The following INO80 variants were observed in gnomAD, a reference collection of about 807,000 sequenced individuals.
INO80 encodes the protein INO80 complex ATPase subunit, also known as chromatin-remodeling ATPase INO80.
Under a neutral mutation model 203.4 loss-of-function variants are expected in INO80, and 20 were observed. The observed-to-expected ratio is 0.10, with a 90% CI of 0.07 to 0.14. The LOEUF is 0.14. INO80 is among the 10% of genes least tolerant of loss of function. The pLI, the probability that INO80 is intolerant of heterozygous loss-of-function variation, is 1.00. For missense variants in INO80, 1,419 were observed against 1,914.4 expected (o/e 0.74, Z 4.83); for synonymous variants, 726 against 685.2 (o/e 1.06, Z -0.93).
At chr15:41,107,458 G>A (rs2045897031) in intron 1 of INO80, among the ~76,000 whole-genome samples, 1 of 152,122 alleles carries the variant, frequency 6.6e-6, no homozygotes, top group Admixed American at 6.6e-5. Flanking sequence ...CCATGATGGT[G>A]CCACTGCACT....
chr15:41,069,757 G>A (rs1156503569), intron 13 of INO80, 92 bp from the exon 14 acceptor site: 3 of 700,050 alleles, frequency 4.3e-6, no homozygotes, highest in Non-Finnish European at 7.2e-6. Flanking sequence ...TCTAAGAATA[G>A]GAAACAAATA....
Position 41,106,335 on chromosome 15 carries a change from G to T in INO80, c.-44+9638C>A, listed in dbSNP as rs140157492. On this transcript the variant is annotated intron_variant, in intron 1 of 35. Coordinates refer to ENST00000648947, the MANE Select transcript of INO80 (RefSeq NM_017553.3). ...AGAGACAGAGGTTGCTGCGGGCTGA[G>T]ATCATGCCACCACACTCCAGCCTGG... Among the ~76,000 whole-genome samples the T allele has an allele frequency of 1.8e-4, 26 of 140,678 alleles. No individual in the cohort carries two copies. The East Asian group carries it at 5.2e-3, about 28-fold the overall frequency. The allele number at this position is 140,678 out of a possible 152,430, so 92.3% of individuals were successfully genotyped here.
chr15:41,099,634 T>C (rs1205972545), intron 1 of INO80, among the ~76,000 whole-genome samples: 5 of 151,766 alleles, frequency 3.3e-5, no homozygotes, highest in African/African-American at 1.2e-4. Flanking sequence ...ATTTAAAAAT[T>C]AGCTGAGTGT....
At position 41,016,208 on chromosome 15, in the gene INO80, C is replaced by G; in HGVS notation, c.3282G>C (p.Glu1094Asp). Residue 1094 changes from glutamate to aspartate, a missense_variant, in exon 27 of 36, where the codon GAG becomes GAC. Transcript: ENST00000648947. Reference protein sequence around the residue: ...GWSFIRIPGKESLITDSGKLY... With the variant: ...GWSFIRIPGKDSLITDSGKLY... ...GCTTTCCACTGTCAGTGATGAGGCT[C>G]TCCTTGCCTGGGGAGAAGAAAAGGG... is the stretch of plus-strand genomic sequence containing the variant. 6.2e-7 allele frequency: 1 copy of G among 1,613,410 alleles called. No individual in the cohort carries two copies. Among genetic ancestry groups the G allele is most frequent in the Non-Finnish European group, 8.5e-7 (1 of 1,179,718 alleles).
intron 7 of INO80, among the ~76,000 whole-genome samples, chr15:41,082,562 G>A (rs980625402): frequency 5.3e-5 from 8 of 152,046 alleles, no homozygotes; most frequent in Non-Finnish European, 1.0e-4. Flanking sequence ...TTAGCTGAGT[G>A]TGGTGGCAGG....
Position 41,051,103 on chromosome 15 carries a change from TG to T in INO80, c.2275-1002del, listed in dbSNP as rs1382163545. On this transcript the variant is annotated intron_variant, in intron 19 of 35. Transcript: ENST00000648947. ...GAGATTGCACCATTGCACTCCAGCC[TG>T]GGTGACAGAATGAGACTCCATCTCA... 9.8e-5 allele frequency among the ~76,000 whole-genome samples: 12 copies of T among 122,126 alleles called. No individual in the cohort carries two copies. In the Admixed American group the frequency reaches 1.2e-3, roughly 12 times the overall value. The allele number at this position is 122,126 out of a possible 152,430, so 80.1% of individuals were successfully genotyped here.
rs140452976 is a variant in INO80 at position 41,058,387 on chromosome 15, C to T, written c.1985+252G>A. Among the ~76,000 whole-genome samples the T allele has an allele frequency of 7.2e-4, 110 of 152,132 alleles. 2 individuals carry two copies. Among genetic ancestry groups the T allele is most frequent in the African/African-American group, 2.6e-3 (107 of 41,500 alleles). ...TATTTAAAACCTCTCATATATTGGA[C>T]GGGTGGCTCATCCCTCTAATCCCAA... On this transcript the variant is annotated intron_variant, in intron 16 of 35. Coordinates refer to ENST00000648947, the MANE Select transcript of INO80 (RefSeq NM_017553.3).
intron 9 of INO80, among the ~76,000 whole-genome samples, chr15:41,075,278 T>C (rs1475809841): frequency 6.6e-6 from 1 of 150,974 alleles, no homozygotes; most frequent in Non-Finnish European, 1.5e-5. Flanking sequence ...AACTTTTCTT[T>C]TTTTTTTTTT....
At chr15:41,003,719 C>T (rs2043998324) in intron 28 of INO80, among the ~76,000 whole-genome samples, 1 of 152,108 alleles carries the variant, frequency 6.6e-6, no homozygotes, top group Non-Finnish European at 1.5e-5. Flanking sequence ...TGAAGAAAAA[C>T]AAAACATTAC....
chr15:41,045,856 G>A (rs967099358), intron 23 of INO80, among the ~76,000 whole-genome samples: 7 of 151,502 alleles, frequency 4.6e-5, no homozygotes, highest in Non-Finnish European at 8.8e-5. Context: ...AGCCAAAATC[G>A]AGCCACTGCA....
At chr15:41,102,568 C>A (rs1207644643) in intron 1 of INO80, among the ~76,000 whole-genome samples, 1 of 149,170 alleles carries the variant, frequency 6.7e-6, no homozygotes, top group Non-Finnish European at 1.5e-5. Flanking sequence ...AACTTGGGAG[C>A]CTGAGGCAGG....
intron 24 of INO80, among the ~76,000 whole-genome samples, chr15:41,034,288 G>C (rs2044536320): frequency 1.3e-5 from 2 of 152,136 alleles, no homozygotes; most frequent in African/African-American, 4.8e-5. Context: ...GGGGTTGGGG[G>C]AGGTAAGGAG....
rs776832618 is a variant in INO80 at position 41,055,368 on chromosome 15, TAAAC to T, written c.2071-8_2071-5del. On this transcript the variant is annotated splice_polypyrimidine_tract_variant and splice_region_variant and intron_variant, in intron 17 of 35. Coordinates refer to ENST00000648947, the MANE Select transcript of INO80 (RefSeq NM_017553.3). ...TGAAATGCAGCAGAGCCCAAAGCTG[TAAAC>T]AAAGACAAAAATGAAATAGCTATAG... 8 of 1,585,160 alleles carry T rather than the reference TAAAC, an allele frequency of 5.0e-6. No individual in the cohort carries two copies. The Admixed American group carries it at 1.4e-4, about 27-fold the overall frequency.
At chr15:41,076,023 C>G (rs1206195204) in intron 9 of INO80, among the ~76,000 whole-genome samples, 3 of 152,090 alleles carry the variant, frequency 2.0e-5, no homozygotes, top group South Asian at 2.1e-4. Flanking sequence ...GAAAATACTC[C>G]CCAAAACAAT....
intron 7 of INO80, among the ~76,000 whole-genome samples, chr15:41,083,496 G>A (rs2947493): frequency 0.51 from 77,680 of 151,472 alleles, 21,918 homozygotes; most frequent in African/African-American, 0.77. Flanking sequence ...ACTTGAGGTC[G>A]GGAGTTCAAG....
intron 5 of INO80, among the ~76,000 whole-genome samples, chr15:41,090,575 A>C (rs1240611194): frequency 6.6e-6 from 1 of 151,902 alleles, no homozygotes; most frequent in Non-Finnish European, 1.5e-5. Context: ...GACTCTGTCC[A>C]AAAAAAAGAA....
chr15:41,056,027 T>G (rs1291054001), intron 17 of INO80, among the ~76,000 whole-genome samples: 1 of 147,386 alleles, frequency 6.8e-6, no homozygotes, highest in Non-Finnish European at 1.5e-5. Context: ...TCATTGTAAC[T>G]TTGACCTCAG....
chr15:40,987,197 C>T lies in INO80; in HGVS notation c.3730-4G>A, dbSNP rs774367665. 58 of 1,580,342 alleles carry T rather than the reference C, an allele frequency of 3.7e-5. No individual in the cohort carries two copies. The highest frequency in any genetic ancestry group is 4.3e-5 in the Non-Finnish European group (49 of 1,149,506). On this transcript the variant is annotated splice_polypyrimidine_tract_variant and splice_region_variant and intron_variant, in intron 30 of 35. Transcript: ENST00000648947. ...CTGAAATCACCATCCGCTGAATCTA[C>T]ACCAAAGCAGATCAAAATGTCACCT...
intron 1 of INO80, among the ~76,000 whole-genome samples, chr15:41,110,886 T>C (rs2045949407): frequency 6.6e-6 from 1 of 152,190 alleles, no homozygotes; most frequent in African/African-American, 2.4e-5. Flanking sequence ...TATATTTAGA[T>C]TTATATAACT....
Sources: gnomAD v4.1 joint callset for allele counts (sites outside exome capture counted in the v4.1 genomes callset) on GRCh38, gnomAD v4.1.1 for gene constraint, MANE v1.5 for transcripts, NCBI Gene and HGNC (gene_info 2026-07-23, HGNC 2026-07-21) for gene names.